The following TACC2 variants were observed in gnomAD, a reference collection of about 807,000 sequenced individuals.
The protein encoded by TACC2 is transforming acidic coiled-coil containing protein 2, also known as transforming acidic coiled-coil-containing protein 2.
Under a neutral mutation model 227.3 loss-of-function variants are expected in TACC2, and 137 were observed. The ratio of observed to expected loss-of-function variants is 0.60; its 90% CI spans 0.52 to 0.69. The LOEUF is 0.69. Among genes scored for constraint, TACC2 ranks in the 30% least tolerant of loss-of-function variants. TACC2 has a pLI of 0.00. For synonymous variants in TACC2, 1,523 were observed against 1,487.5 expected, an observed-to-expected ratio of 1.02 and a Z score of -0.55; for missense variants, 3,470 against 3,694.4, an observed-to-expected ratio of 0.94 and a Z score of 1.57.
Position 122,249,042 on chromosome 10 carries a change from T to C in TACC2, c.8554-8T>C. 1 of 1,610,428 alleles carries C rather than the reference T, an allele frequency of 6.2e-7. No individual in the cohort carries two copies. The highest frequency in any genetic ancestry group is 8.5e-7 in the Non-Finnish European group (1 of 1,178,006). Reference sequence around the variant, plus strand: ...GCTTGACGCCTGTCCTCTGCCCTGCTGTGTCAGAATGAAGAGGTGTTGAAG... The same window carrying C: ...GCTTGACGCCTGTCCTCTGCCCTGCCGTGTCAGAATGAAGAGGTGTTGAAG... On this transcript the variant is annotated splice_polypyrimidine_tract_variant and splice_region_variant and intron_variant, in intron 20 of 22. Coordinates refer to ENST00000369005, the MANE Select transcript of TACC2 (RefSeq NM_206862.4).
intron 1 of TACC2, among the ~76,000 whole-genome samples, chr10:122,002,237 C>G (rs928383258): frequency 2.6e-5 from 4 of 152,214 alleles, no homozygotes; most frequent in Admixed American, 2.6e-4. Context: ...GACCTAATCA[C>G]CTCTCAGATG....
intron 1 of TACC2, among the ~76,000 whole-genome samples, chr10:122,017,174 A>G (rs1956760175): frequency 6.6e-6 from 1 of 152,152 alleles, no homozygotes; most frequent in Admixed American, 6.5e-5. Flanking sequence ...TCGCGCTCTC[A>G]CAGAAGCCCC....
intron 3 of TACC2, among the ~76,000 whole-genome samples, chr10:122,070,508 A>AC (rs1180990335): frequency 6.6e-6 from 1 of 152,012 alleles, no homozygotes; most frequent in Non-Finnish European, 1.5e-5. Flanking sequence ...TAATCCCAGC[A>AC]TTTTGGAGGC....
At chr10:122,063,166 CA>C (rs964918615) in intron 3 of TACC2, among the ~76,000 whole-genome samples, 1 of 152,148 alleles carries the variant, frequency 6.6e-6, no homozygotes, top group African/African-American at 2.4e-5. Flanking sequence ...CAGTTCTTAG[CA>C]GAAAAAAGAA....
chr10:122,056,023 C>T (rs1394251585), intron 3 of TACC2, among the ~76,000 whole-genome samples: 1 of 152,238 alleles, frequency 6.6e-6, no homozygotes, highest in Non-Finnish European at 1.5e-5. Context: ...GGAAACTCAA[C>T]AGCCTGGAGT....
intron 17 of TACC2, 93 bp from the exon 18 acceptor site, chr10:122,237,868 T>G: frequency 1.1e-6 from 1 of 928,186 alleles, no homozygotes; most frequent in South Asian, 1.6e-5. Flanking sequence ...CATTCCACAT[T>G]TATTCACCGT....
chr10:122,059,534 C>T (rs1166326111), intron 3 of TACC2, among the ~76,000 whole-genome samples: 2 of 148,216 alleles, frequency 1.3e-5, no homozygotes, highest in Non-Finnish European at 3.0e-5. Context: ...CGCATACAGA[C>T]TCATGCCCCC....
chr10:122,229,625 G>A, intron 15 of TACC2, 139 bp downstream of exon 15: 2 of 970,672 alleles, frequency 2.1e-6, no homozygotes, highest in Admixed American at 2.1e-5. Flanking sequence ...TCCCCTCAAA[G>A]GATGGTATAT....
rs774947544 is a variant in TACC2, at chr10:122,211,264, A to G, written c.6839A>G (p.Gln2280Arg). The stretch of plus-strand genomic sequence containing the variant: ...GACAAGAGTAGTTGGGACAACCAGC[A>G]GGAAAACCCCCCTCCTACCAAAAAG... ...SEDKSSWDNQ[Q>R]ENPPPTKKIG... Residue 2280 changes from glutamine to arginine, a missense_variant, in exon 9 of 23, where the codon CAG (glutamine) becomes CGG (arginine). By Grantham distance (43) the Gln-to-Arg change is conservative (BLOSUM62 1). Coordinates refer to ENST00000369005, the MANE Select transcript of TACC2 (RefSeq NM_206862.4). 32 of 1,614,044 alleles carry G rather than the reference A, an allele frequency of 2.0e-5. No individual in the cohort carries two copies. The Admixed American group carries it at 5.3e-4, about 27-fold the overall frequency.
chr10:122,011,142 C>T (rs1037755826), intron 1 of TACC2, among the ~76,000 whole-genome samples: 1 of 152,120 alleles, frequency 6.6e-6, no homozygotes, highest in Non-Finnish European at 1.5e-5. Context: ...CTGACCATTA[C>T]CCAGTTGGGT....
chr10:122,118,675 C>T (rs996071736), intron 5 of TACC2, among the ~76,000 whole-genome samples: 1 of 152,162 alleles, frequency 6.6e-6, no homozygotes, highest in Admixed American at 6.5e-5. Context: ...AAATCTGTAA[C>T]TCTGCTAAGA....
At position 122,229,353 on chromosome 10, in the gene TACC2, C is replaced by T. The variant is rs762614578; in HGVS notation, c.7904C>T (p.Pro2635Leu). The T allele has an allele frequency of 6.8e-6, 11 of 1,613,886 alleles. No individual in the cohort carries two copies. The South Asian group carries it at 9.9e-5, about 15-fold the overall frequency. ...TPSEAIEITA[P>L]EGSFASADAL... Reference sequence around the variant, plus strand: ...CTCTCTGCCGGCTTTCAGACAGCTCCCGAGGGCTCCTTTGCCTCTGCTGAC... The same window carrying T: ...CTCTCTGCCGGCTTTCAGACAGCTCTCGAGGGCTCCTTTGCCTCTGCTGAC... The change falls in exon 15 of 23, where the codon CCC (proline) becomes CTC (leucine). Residue 2635 changes from proline to leucine, a missense_variant. Coordinates refer to ENST00000369005, the MANE Select transcript of TACC2 (RefSeq NM_206862.4).
intron 7 of TACC2, among the ~76,000 whole-genome samples, chr10:122,176,551 A>G (rs2093728151): frequency 6.6e-6 from 1 of 152,080 alleles, no homozygotes. Flanking sequence ...CATTTTACTT[A>G]GTATCCCATT....
At chr10:122,153,957 A>G (rs2092292088) in intron 7 of TACC2, among the ~76,000 whole-genome samples, 1 of 152,198 alleles carries the variant, frequency 6.6e-6, no homozygotes, top group Non-Finnish European at 1.5e-5. Flanking sequence ...TCACAAAAAT[A>G]AACAAGATCT....
chr10:122,185,959 T>G (rs1319989908), intron 7 of TACC2, among the ~76,000 whole-genome samples: 1 of 152,224 alleles, frequency 6.6e-6, no homozygotes, highest in Non-Finnish European at 1.5e-5. Context: ...AGGTGGAATT[T>G]CGCTCTTGTT....
At chr10:122,073,915 G>T (rs566529308) in intron 3 of TACC2, among the ~76,000 whole-genome samples, 64 of 152,122 alleles carry the variant, frequency 4.2e-4, no homozygotes, top group African/African-American at 1.5e-3. Context: ...AAGTAGCTGG[G>T]ACTACAGGCA....
rs116402355 is a variant in TACC2 at position 122,161,952 on chromosome 10, G to A, written c.5834+18246G>A. Among the ~76,000 whole-genome samples, 952 of 152,316 alleles carry A rather than the reference G, an allele frequency of 6.3e-3. 11 individuals carry two copies. Among genetic ancestry groups the A allele is most frequent in the African/African-American group, 0.021 (861 of 41,558 alleles). ...AACAAACCCCCAGGGTGCTGAGAAT[G>A]GTGACAGGATGAACAGGTTGCAGGA... On this transcript the variant is annotated intron_variant, in intron 7 of 22. Transcript: ENST00000369005.
rs1345767645 is a variant in TACC2, at chr10:122,249,043, G to A, written c.8554-7G>A. 2.5e-6 allele frequency: 4 copies of A among 1,610,470 alleles called. No homozygotes were observed. The South Asian group carries it at 3.3e-5, about 13-fold the overall frequency. ...CTTGACGCCTGTCCTCTGCCCTGCT[G>A]TGTCAGAATGAAGAGGTGTTGAAGA... On this transcript the variant is annotated splice_polypyrimidine_tract_variant and splice_region_variant and intron_variant, in intron 20 of 22. Coordinates refer to ENST00000369005, the MANE Select transcript of TACC2 (RefSeq NM_206862.4).
At chr10:122,229,614 T>C in intron 15 of TACC2, 128 bp downstream of exon 15, 1 of 1,058,418 alleles carries the variant, frequency 9.4e-7, no homozygotes, top group Non-Finnish European at 1.4e-6. Context: ...GTGACATATC[T>C]TCCCCTCAAA....
Sources: allele counts gnomAD v4.1 joint callset (sites outside exome capture counted in the v4.1 genomes callset), GRCh38; gene constraint gnomAD v4.1.1; transcripts MANE v1.5; gene names NCBI Gene and HGNC (gene_info 2026-07-23, HGNC 2026-07-21).